The following LAMB3 variants were observed in gnomAD, a reference collection of about 807,000 sequenced individuals.
The protein encoded by LAMB3 is laminin subunit beta 3, also known as laminin subunit beta-3.
LAMB3 carries 104 observed loss-of-function variants against 140.3 expected under a neutral mutation model. The ratio of observed to expected loss-of-function variants is 0.74; its 90% CI spans 0.63 to 0.87. The LOEUF (loss-of-function observed/expected upper bound fraction) is 0.87. LAMB3 is among the 40% of genes least tolerant of loss of function. LAMB3 has a pLI of 0.00. For synonymous variants in LAMB3, 592 were observed against 602.9 expected, an observed-to-expected ratio of 0.98 and a Z score of 0.26; for missense variants, 1,531 against 1,575.2, an observed-to-expected ratio of 0.97 and a Z score of 0.47.
intron 3 of LAMB3, among the ~76,000 whole-genome samples, chr1:209,645,888 C>G (rs897265593): frequency 5.3e-5 from 8 of 152,170 alleles, no homozygotes; most frequent in African/African-American, 1.9e-4. Context: ...AGGCAGTGGT[C>G]GTTGGAGTGT....
rs376701500 is a variant in LAMB3 at position 209,617,577 on chromosome 1, C to A, written c.3061G>T (p.Val1021Leu). The A allele has an allele frequency of 1.2e-6, 2 of 1,613,912 alleles. No individual in the cohort carries two copies. The highest frequency in any genetic ancestry group is 1.1e-5 in the South Asian group (1 of 91,078). ...ACCAGCTTTTCTGCTGGCCGCAGTA[C>A]CTGCTGAACCTTTGTGGAAAGAGGG... ...IQDRVAEVQQ[V>L]LRPAEKLVTS... The change falls in exon 21 of 23, where the codon GTA becomes TTA. Residue 1021 changes from valine to leucine, a missense_variant. Val to Leu is a conservative substitution (Grantham distance 32). Transcript: ENST00000356082.
intron 3 of LAMB3, among the ~76,000 whole-genome samples, chr1:209,647,758 T>C (rs1247244708): frequency 6.6e-6 from 1 of 152,090 alleles, no homozygotes; most frequent in East Asian, 1.9e-4. Context: ...CACGATATGT[T>C]TCTCTCGGAA....
At chr1:209,627,333 C>T (rs1451091045) in intron 12 of LAMB3, 50 bp downstream of exon 12, 8 of 1,489,966 alleles carry the variant, frequency 5.4e-6, no homozygotes, top group Non-Finnish European at 7.4e-6. Context: ...GGCTGGTGCT[C>T]AGGACCCCCC....
At chr1:209,630,457 C>T in intron 9 of LAMB3, 158 bp downstream of exon 9, 1 of 872,266 alleles carries the variant, frequency 1.1e-6, no homozygotes, top group East Asian at 2.5e-5. Flanking sequence ...TCTCCATCCT[C>T]ACAGAGCCAG....
chr1:209,627,027 T>C, intron 12 of LAMB3, 49 bp from the exon 13 acceptor site: 1 of 1,339,348 alleles, frequency 7.5e-7, no homozygotes, highest in Non-Finnish European at 1.1e-6. Flanking sequence ...AGCCTCTGCC[T>C]TACCCTGGTG....
In LAMB3 at chr1:209,623,993, G is replaced by T; in HGVS notation, c.1984C>A (p.Leu662Ile). Residue 662 changes from leucine to isoleucine, a missense_variant, in exon 15 of 23, where the codon CTC becomes ATC. Transcript: ENST00000356082. This position sits in a 1 kb window ranked among gnomAD's most constrained non-coding sequence, Gnocchi z 4.2. Reference sequence around the variant, plus strand: ...GGCAGATCCAGCTGCAGGCCCTGGAGAGTTCGCCTGAGAAGGGAGAGGAGC... The same window carrying T: ...GGCAGATCCAGCTGCAGGCCCTGGATAGTTCGCCTGAGAAGGGAGAGGAGC... ...ASAILSLRRTLQGLQLDLPLE... is the reference protein window; with the variant it reads ...ASAILSLRRTIQGLQLDLPLE... 1 of 1,613,114 alleles carries T rather than the reference G, an allele frequency of 6.2e-7. No individual in the cohort carries two copies. Among genetic ancestry groups the T allele is most frequent in the South Asian group, 1.1e-5 (1 of 91,084 alleles).
intron 20 of LAMB3, 90 bp downstream of exon 20, chr1:209,617,817 A>C: frequency 6.5e-7 from 1 of 1,531,530 alleles, no homozygotes; most frequent in Non-Finnish European, 9.0e-7. Flanking sequence ...CTCAGGTTTT[A>C]TCTAGTCACT....
intron 6 of LAMB3, among the ~76,000 whole-genome samples, chr1:209,634,064 A>T (rs1666795874): frequency 6.6e-6 from 1 of 152,240 alleles, no homozygotes; most frequent in African/African-American, 2.4e-5. Context: ...AAACCCTACC[A>T]AGGTGAAATG....
intron 5 of LAMB3, among the ~76,000 whole-genome samples, chr1:209,636,594 C>A (rs1666901488): frequency 6.6e-6 from 1 of 152,206 alleles, no homozygotes. Flanking sequence ...CACATCCCTG[C>A]CTCTTGCCAC....
chr1:209,624,358 T>C (rs1403617912), intron 14 of LAMB3, among the ~76,000 whole-genome samples: 1 of 152,200 alleles, frequency 6.6e-6, no homozygotes. Flanking sequence ...TCTGTACAGC[T>C]GCAGCTCCAA....
At chr1:209,630,569 CACTCG>C (rs1666643138) in intron 9 of LAMB3, 41 bp downstream of exon 9, 8 of 1,611,290 alleles carry the variant, frequency 5.0e-6, no homozygotes, top group Non-Finnish European at 6.8e-6. Flanking sequence ...GAGGGGCCAG[CACTCG>C]ACCCAGACCC....
chr1:209,620,912 C>A (rs879394027), intron 18 of LAMB3, among the ~76,000 whole-genome samples: 1 of 152,178 alleles, frequency 6.6e-6, no homozygotes, highest in African/African-American at 2.4e-5. Flanking sequence ...CAGCAGCCAG[C>A]GCTCAGTGGC....
intron 3 of LAMB3, among the ~76,000 whole-genome samples, chr1:209,640,863 C>T (rs986956729): frequency 2.6e-5 from 4 of 151,892 alleles, no homozygotes; most frequent in Admixed American, 1.3e-4. Context: ...GGGCGGATCA[C>T]GAGGTCAGGA....
At chr1:209,639,767 C>T (rs559887176) in intron 3 of LAMB3, among the ~76,000 whole-genome samples, 2 of 152,248 alleles carry the variant, frequency 1.3e-5, no homozygotes, top group South Asian at 2.1e-4. Flanking sequence ...AAACCCTGTG[C>T]GCAGCTTAAA....
In LAMB3 at chr1:209,633,069, C is replaced by T. The variant is rs1057516539; in HGVS notation, c.628+1G>A. 3.1e-6 allele frequency: 5 copies of T among 1,603,308 alleles called. No homozygotes were observed. The highest frequency in any genetic ancestry group is 2.7e-5 in the African/African-American group (2 of 74,684). ...TGGACAAGAGAAGTAACCACACTGA[C>T]CTTGAATTTTTTGACTTTGAGTTGC... On this transcript the variant is annotated splice_donor_variant, in intron 7 of 22. Transcript: ENST00000356082. LOFTEE classifies it high-confidence loss of function.
chr1:209,623,548 A>G lies in LAMB3; in HGVS notation c.2315T>C (p.Leu772Pro). Residue 772 changes from leucine to proline, a missense_variant, in exon 16 of 23, where the codon CTG becomes CCG. Coordinates refer to ENST00000356082, the MANE Select transcript of LAMB3 (RefSeq NM_000228.3). This position sits in a 1 kb window ranked among gnomAD's most constrained non-coding sequence, Gnocchi z 4.2. ...TGSPKLVALR[L>P]EMSSLPDLTP... Reference sequence around the variant, plus strand: ...CAGGTCAGGCAACGAAGACATCTCCAGCCTCAGGGCCACAAGCTTGGGGCT... The same window carrying G: ...CAGGTCAGGCAACGAAGACATCTCCGGCCTCAGGGCCACAAGCTTGGGGCT... 6.2e-7 allele frequency: 1 copy of G among 1,614,224 alleles called. No homozygotes were observed. Among genetic ancestry groups the G allele is most frequent in the Non-Finnish European group, 8.5e-7 (1 of 1,180,036 alleles).
chr1:209,624,671 A>C (rs551075728), intron 14 of LAMB3, among the ~76,000 whole-genome samples: 68 of 152,278 alleles, frequency 4.5e-4, no homozygotes, highest in African/African-American at 1.5e-3. Flanking sequence ...CGAATCTGAG[A>C]CTTAGGTCAG....
rs1267114158 is a variant in LAMB3, at chr1:209,634,453, C to A, written c.558G>T (p.Gly186=). 1.2e-6 allele frequency: 2 copies of A among 1,613,938 alleles called. No homozygotes were observed. Among genetic ancestry groups the A allele is most frequent in the African/African-American group, 2.7e-5 (2 of 74,890 alleles). The stretch of plus-strand genomic sequence containing the variant: ...CAGGATTCCCTCTACCTACCTTCCC[C>A]CCATTTAGGCGTGCATTAGGCCTCT... ...LPQRPNARLN[G]GKVQLNLMDL... is the part of the protein sequence containing the mutation. Residue 186 remains glycine, a synonymous_variant, in exon 6 of 23, where the codon GGG becomes GGT. Coordinates refer to ENST00000356082, the MANE Select transcript of LAMB3 (RefSeq NM_000228.3).
In LAMB3 at chr1:209,622,651, C is replaced by T; in HGVS notation, c.2586G>A (p.Gln862=). 6.2e-7 allele frequency: 1 copy of T among 1,614,170 alleles called. No homozygotes were observed. The highest frequency in any genetic ancestry group is 8.5e-7 in the Non-Finnish European group (1 of 1,180,024). The part of the protein sequence containing the change: ...MIRAAEESAS[Q]IQSSAQRLET... The stretch of plus-strand genomic sequence containing the variant: ...CCAAGCGCTGGGCACTGGATTGAAT[C>T]TGTGAGGCAGATTCCTCGGCTGCCC... Residue 862 remains glutamine, a synonymous_variant, in exon 18 of 23, where the codon CAG becomes CAA. Coordinates refer to ENST00000356082, the MANE Select transcript of LAMB3 (RefSeq NM_000228.3).
Sources: allele counts gnomAD v4.1 joint callset (sites outside exome capture counted in the v4.1 genomes callset), GRCh38; gene constraint gnomAD v4.1.1; non-coding constraint Gnocchi (gnomAD v3.1); transcripts MANE v1.5; gene names NCBI Gene and HGNC (gene_info 2026-07-23, HGNC 2026-07-21).